Variants in ARSB observed in about 807,000 individuals in gnomAD.
The protein encoded by ARSB is arylsulfatase B.
In ARSB, 41 loss-of-function variants were observed where a neutral mutation model predicts 50.9. The observed-to-expected ratio is 0.81, with a 90% CI of 0.63 to 1.04. ARSB has a LOEUF of 1.04. Ranked by LOEUF, ARSB falls within the 50% of genes least tolerant of loss-of-function variation. ARSB has a pLI of 0.00. For missense variants in ARSB, 672 were observed against 693.3 expected (o/e 0.97, Z 0.35); for synonymous variants, 269 against 284.8 (o/e 0.94, Z 0.56).
rs533979607 is a variant in ARSB, at chr5:78,880,542, C to T, written c.1142+5042G>A. On this transcript the variant is annotated intron_variant, in intron 5 of 7. Transcript: ENST00000264914. ...TCAAGCATGCCACAAATGTTGCCAT[C>T]TCAAAGTCACTCAAAGCTTTCTCCT... Among the ~76,000 whole-genome samples, 3 of 152,328 alleles carry T rather than the reference C, an allele frequency of 2.0e-5. No individual in the cohort carries two copies. In the South Asian group the frequency reaches 6.2e-4, roughly 32 times the overall value.
chr5:78,918,985 T>A (rs757266168), intron 4 of ARSB, among the ~76,000 whole-genome samples: 40 of 152,170 alleles, frequency 2.6e-4, no homozygotes, highest in Non-Finnish European at 5.3e-4. Context: ...TAATAGAGGA[T>A]AAGGAACAGA....
At chr5:78,919,219 T>C (rs1381352828) in intron 4 of ARSB, among the ~76,000 whole-genome samples, 1 of 152,220 alleles carries the variant, frequency 6.6e-6, no homozygotes, top group Non-Finnish European at 1.5e-5. Flanking sequence ...AGAATGATCA[T>C]GACAGGGCAA....
chr5:78,859,022 G>A (rs1463757125), intron 5 of ARSB, among the ~76,000 whole-genome samples: 1 of 152,172 alleles, frequency 6.6e-6, no homozygotes, highest in Non-Finnish European at 1.5e-5. Flanking sequence ...ATTTAAACCA[G>A]ATCTAATCAA....
intron 4 of ARSB, among the ~76,000 whole-genome samples, chr5:78,951,338 A>C (rs982245512): frequency 6.6e-6 from 1 of 152,166 alleles, no homozygotes; most frequent in African/African-American, 2.4e-5. Context: ...ATACTATACT[A>C]TACTAACAAG....
chr5:78,891,362 T>C (rs1748283503), intron 4 of ARSB, among the ~76,000 whole-genome samples: 1 of 152,212 alleles, frequency 6.6e-6, no homozygotes. Flanking sequence ...GTTTGTCTAA[T>C]CTGGTCCCTG....
chr5:78,922,868 C>T (rs538808419), intron 4 of ARSB, among the ~76,000 whole-genome samples: 41 of 151,844 alleles, frequency 2.7e-4, no homozygotes, highest in Non-Finnish European at 5.1e-4. Context: ...GTGATCCTCC[C>T]GCCTCGGCCT....
intron 5 of ARSB, among the ~76,000 whole-genome samples, chr5:78,851,790 A>T (rs1745804841): frequency 6.6e-6 from 1 of 152,102 alleles, no homozygotes; most frequent in Admixed American, 6.6e-5. Context: ...CTTCTTGTTG[A>T]ATTGATCCCT....
intron 1 of ARSB, among the ~76,000 whole-genome samples, chr5:78,978,323 G>T (rs1323156917): frequency 1.6e-5 from 2 of 125,964 alleles, no homozygotes; most frequent in African/African-American, 6.2e-5. Context: ...AGAGCAGAGT[G>T]AGACTCTGTC....
In ARSB at chr5:78,956,512, T is replaced by C. The variant is rs545692337; in HGVS notation, c.691-1010A>G. 3.9e-5 allele frequency among the ~76,000 whole-genome samples: 6 copies of C among 152,326 alleles called. No individual in the cohort carries two copies. The South Asian group carries it at 6.2e-4, about 16-fold the overall frequency. ...TACTTTAAATGAGTGAATTTTATGA[T>C]ATGTAAATTTTGTTTCAATAAAGAT... On this transcript the variant is annotated intron_variant, in intron 3 of 7. Transcript: ENST00000264914.
At chr5:78,855,584 G>A (rs1438269131) in intron 5 of ARSB, among the ~76,000 whole-genome samples, 1 of 152,182 alleles carries the variant, frequency 6.6e-6, no homozygotes, top group African/African-American at 2.4e-5. Flanking sequence ...TCCAGCCATA[G>A]TTCCAACTCC....
At chr5:78,852,964 T>G (rs972093736) in intron 5 of ARSB, among the ~76,000 whole-genome samples, 15 of 152,204 alleles carry the variant, frequency 9.9e-5, no homozygotes, top group Admixed American at 7.2e-4. Context: ...TCGTCTAAAT[T>G]TTTTTCAAAG....
chr5:78,975,056 C>G (rs1317490908), intron 1 of ARSB, among the ~76,000 whole-genome samples: 1 of 152,250 alleles, frequency 6.6e-6, no homozygotes, highest in Non-Finnish European at 1.5e-5. Context: ...TAGGAGCGCC[C>G]ACCTTGAGAC....
intron 5 of ARSB, among the ~76,000 whole-genome samples, chr5:78,853,227 G>T (rs1745935373): frequency 6.6e-6 from 1 of 152,260 alleles, no homozygotes; most frequent in East Asian, 1.9e-4. Flanking sequence ...TGTACAGATG[G>T]GTTTTTGGTG....
At chr5:78,984,444 T>C (rs997484346) in intron 1 of ARSB, among the ~76,000 whole-genome samples, 1 of 152,124 alleles carries the variant, frequency 6.6e-6, no homozygotes, top group African/African-American at 2.4e-5. Flanking sequence ...TCCAGGGGTG[T>C]TGAGAACCTG....
intron 5 of ARSB, chr5:78,885,368 C>T (rs1747963136): frequency 1.4e-6 from 1 of 705,210 alleles, no homozygotes; most frequent in Non-Finnish European, 2.2e-6. Context: ...TGAGGACAAT[C>T]TTGTTCTTCA....
At chr5:78,891,733 G>A (rs1748303617) in intron 4 of ARSB, among the ~76,000 whole-genome samples, 1 of 152,194 alleles carries the variant, frequency 6.6e-6, no homozygotes, top group Non-Finnish European at 1.5e-5. Flanking sequence ...AGACTAGGGT[G>A]TCTGTGTCAA....
chr5:78,810,387 G>C (rs1743762112), intron 6 of ARSB, among the ~76,000 whole-genome samples: 3 of 152,190 alleles, frequency 2.0e-5, no homozygotes, highest in African/African-American at 7.2e-5. Flanking sequence ...TTCTTGCTTT[G>C]AACAGAAAAT....
intron 6 of ARSB, among the ~76,000 whole-genome samples, chr5:78,810,766 G>A (rs1190625775): frequency 6.6e-6 from 1 of 152,192 alleles, no homozygotes; most frequent in Non-Finnish European, 1.5e-5. Flanking sequence ...CAGCCTTCCT[G>A]TGCTTTGGGA....
chr5:78,801,570 G>C (rs544677953), intron 6 of ARSB, among the ~76,000 whole-genome samples: 3 of 152,184 alleles, frequency 2.0e-5, no homozygotes, highest in Non-Finnish European at 2.9e-5. Flanking sequence ...TCCTCAGCAC[G>C]CTAGGAATAA....
Sources: allele counts gnomAD v4.1 joint callset (sites outside exome capture counted in the v4.1 genomes callset), GRCh38; gene constraint gnomAD v4.1.1; transcripts MANE v1.5; gene names NCBI Gene and HGNC (gene_info 2026-07-23, HGNC 2026-07-21).